Variants in GALNT13 observed in about 807,000 individuals in gnomAD.
GALNT13 encodes UDP-GalNAc:polypeptide N-acetylgalactosaminyltransferase 13.
Under a neutral mutation model 64.2 loss-of-function variants are expected in GALNT13, and 28 were observed. That is an observed-to-expected ratio of 0.44 (90% CI 0.32 to 0.60). The LOEUF (loss-of-function observed/expected upper bound fraction) is 0.60. Among genes scored for constraint, GALNT13 ranks in the 20% least tolerant of loss-of-function variants. The probability of loss-of-function intolerance (pLI) is 0.05; values close to 1 mark genes in which losing one functional copy is unlikely to be tolerated. For missense variants in GALNT13, 577 were observed against 669.8 expected, an observed-to-expected ratio of 0.86 and a Z score of 1.53; for synonymous variants, 214 against 224.6, an observed-to-expected ratio of 0.95 and a Z score of 0.42.
At chr2:153,296,206 G>A in the GALNT13 span, among the ~76,000 whole-genome samples, 1 of 152,108 alleles carries the variant, frequency 6.6e-6, no homozygotes, top group African/African-American at 2.4e-5. Flanking sequence ...ATTTGAGTAA[G>A]TGGAAAATTC....
chr2:153,222,222 G>A, the GALNT13 span, among the ~76,000 whole-genome samples: 1 of 138,644 alleles, frequency 7.2e-6, no homozygotes, highest in Non-Finnish European at 1.6e-5. Flanking sequence ...ATCCTGAGGA[G>A]TGTCCAGCTC....
chr2:153,873,146 G>A (rs1686104165), intron 1 of GALNT13, among the ~76,000 whole-genome samples: 1 of 152,200 alleles, frequency 6.6e-6, no homozygotes, highest in African/African-American at 2.4e-5. Flanking sequence ...GCCTTGGTTA[G>A]GGGAGCAAGC....
the GALNT13 span, among the ~76,000 whole-genome samples, chr2:153,096,804 T>C: frequency 6.6e-6 from 1 of 152,186 alleles, no homozygotes; most frequent in African/African-American, 2.4e-5. Context: ...GAGTCTTGTT[T>C]ATTTTATCCT....
At chr2:153,197,251 C>T in the GALNT13 span, among the ~76,000 whole-genome samples, 3 of 152,160 alleles carry the variant, frequency 2.0e-5, no homozygotes, top group African/African-American at 7.2e-5. Context: ...TGCATGCATG[C>T]CTGGGGTTAA....
chr2:154,414,202 T>C (rs902624338), intron 11 of GALNT13, among the ~76,000 whole-genome samples: 3 of 152,066 alleles, frequency 2.0e-5, no homozygotes, highest in South Asian at 4.1e-4. Flanking sequence ...TACTAACAAA[T>C]TGTTCTTTTT....
the GALNT13 span, among the ~76,000 whole-genome samples, chr2:153,361,142 C>A: frequency 1.3e-5 from 2 of 152,028 alleles, no homozygotes; most frequent in Non-Finnish European, 2.9e-5. Context: ...AAAAGAGGGA[C>A]CTGACCATTG....
chr2:153,277,990 G>A, the GALNT13 span, among the ~76,000 whole-genome samples: 4 of 129,382 alleles, frequency 3.1e-5, no homozygotes, highest in African/African-American at 1.2e-4. Flanking sequence ...GCAGTGTAGC[G>A]ATCTCGGCTC....
intron 3 of GALNT13, among the ~76,000 whole-genome samples, chr2:154,041,125 A>G (rs1474622875): frequency 7.1e-6 from 1 of 140,412 alleles, no homozygotes; most frequent in Non-Finnish European, 1.6e-5. Context: ...AAATTCAGGG[A>G]TTATATTGTT....
chr2:153,968,377 A>G (rs757773308), intron 3 of GALNT13, among the ~76,000 whole-genome samples: 10 of 152,282 alleles, frequency 6.6e-5, no homozygotes, highest in Non-Finnish European at 1.5e-4. Flanking sequence ...GCTTCAATGC[A>G]AAGTCCCACA....
In GALNT13 at chr2:153,872,588, T is replaced by C. The variant is rs1686029018; in HGVS notation, c.-177+285T>C. Among the ~76,000 whole-genome samples the C allele has an allele frequency of 3.5e-5, 5 of 142,530 alleles. No homozygotes were observed. In the South Asian group the frequency reaches 1.2e-3, roughly 36 times the overall value. The allele number at this position is 142,530 out of a possible 152,430, so 93.5% of individuals were successfully genotyped here. On this transcript the variant is annotated intron_variant, in intron 1 of 12. Transcript: ENST00000392825. ...TGCCGCCGCCCACCTTCTGCTCTGC[T>C]TTTCTGGCTACCCCGGTGAGTTGTT...
the GALNT13 span, among the ~76,000 whole-genome samples, chr2:153,110,751 A>G: frequency 6.6e-6 from 1 of 152,146 alleles, no homozygotes; most frequent in African/African-American, 2.4e-5. Context: ...TATTGCGTTA[A>G]TACCTTCTTT....
chr2:153,772,880 C>G, the GALNT13 span, among the ~76,000 whole-genome samples: 1 of 152,180 alleles, frequency 6.6e-6, no homozygotes, highest in Non-Finnish European at 1.5e-5. Context: ...GTTTTAGGCT[C>G]TCTACATGGC....
chr2:153,154,559 G>A, the GALNT13 span, among the ~76,000 whole-genome samples: 1 of 152,034 alleles, frequency 6.6e-6, no homozygotes, highest in South Asian at 2.1e-4. Flanking sequence ...CACTATTGTT[G>A]GTATGTATGA....
chr2:153,112,736 A>G, the GALNT13 span, among the ~76,000 whole-genome samples: 1 of 152,090 alleles, frequency 6.6e-6, no homozygotes, highest in Non-Finnish European at 1.5e-5. Flanking sequence ...TTGAAGTATT[A>G]ACTTCCCCTT....
At chr2:154,091,548 A>G (rs1223644113) in intron 3 of GALNT13, among the ~76,000 whole-genome samples, 1 of 151,920 alleles carries the variant, frequency 6.6e-6, no homozygotes, top group Non-Finnish European at 1.5e-5. Context: ...TTTATAACAT[A>G]CATCATACTT....
At chr2:153,662,137 A>G in the GALNT13 span, among the ~76,000 whole-genome samples, 1 of 152,096 alleles carries the variant, frequency 6.6e-6, no homozygotes, top group South Asian at 2.1e-4. Flanking sequence ...CATTAAAGAG[A>G]GCTGAATAAA....
chr2:153,918,455 C>T (rs117446519), intron 2 of GALNT13, among the ~76,000 whole-genome samples: 1 of 152,112 alleles, frequency 6.6e-6, no homozygotes, highest in Non-Finnish European at 1.5e-5. Context: ...CATAGCCAAC[C>T]TTTGCTACTC....
the GALNT13 span, among the ~76,000 whole-genome samples, chr2:153,386,792 C>A: frequency 6.6e-6 from 1 of 152,000 alleles, no homozygotes; most frequent in Non-Finnish European, 1.5e-5. Flanking sequence ...CTGGCCAGGC[C>A]TCTGGGAGAA....
At chr2:154,027,446 G>C (rs1364972562) in intron 3 of GALNT13, among the ~76,000 whole-genome samples, 1 of 152,094 alleles carries the variant, frequency 6.6e-6, no homozygotes, top group African/African-American at 2.4e-5. Flanking sequence ...GAGATTAGCA[G>C]GGCAAACTGT....
Sources: gnomAD v4.1 joint callset for allele counts (sites outside exome capture counted in the v4.1 genomes callset) on GRCh38, gnomAD v4.1.1 for gene constraint, MANE v1.5 for transcripts, NCBI Gene and HGNC (gene_info 2026-07-23, HGNC 2026-07-21) for gene names.